Variants in GEMIN5 observed in about 807,000 individuals in gnomAD.
The protein encoded by GEMIN5 is gem-associated protein 5.
A neutral mutation model predicts 176.9 loss-of-function variants in GEMIN5; 124 were observed. The ratio of observed to expected loss-of-function variants is 0.70; its 90% CI spans 0.61 to 0.81. The LOEUF is 0.81. GEMIN5 is among the 40% of genes least tolerant of loss of function. The pLI, the probability that GEMIN5 is intolerant of heterozygous loss-of-function variation, is 0.00. For synonymous variants in GEMIN5, 673 were observed against 665.2 expected (o/e 1.01, Z -0.18); for missense variants, 1,843 against 1,814.6 (o/e 1.02, Z -0.28).
chr5:154,890,139 C>T (rs1194853635), intron 26 of GEMIN5, among the ~76,000 whole-genome samples: 1 of 152,202 alleles, frequency 6.6e-6, no homozygotes, highest in Admixed American at 6.5e-5. Context: ...TGTTCTGTTT[C>T]TCTGATAGTA....
At position 154,891,441 on chromosome 5, in the gene GEMIN5, A is replaced by C; in HGVS notation, c.4062T>G (p.Ser1354Arg). ...RLTEEGERML[S>R]TFKELFSEKH... ...TTTCTGAAAAGAGCTCCTTAAAAGT[A>C]CTCAGCATTCGCTCACCTTCTTCTG... Residue 1354 changes from serine (S) to arginine (R), a missense_variant, in exon 26 of 28, where the codon AGT becomes AGG. Transcript: ENST00000285873. 6.2e-7 allele frequency: 1 copy of C among 1,614,002 alleles called. No individual in the cohort carries two copies. The highest frequency in any genetic ancestry group is 8.5e-7 in the Non-Finnish European group (1 of 1,179,980).
chr5:154,938,145 G>C lies in GEMIN5; in HGVS notation c.-12C>G, dbSNP rs769300237. On this transcript the variant is annotated 5_prime_UTR_variant, in exon 1 of 28. Coordinates refer to ENST00000285873, the MANE Select transcript of GEMIN5 (RefSeq NM_015465.5). ...GGCTCCTGCCCCATAACTACAAGCC[G>C]TCAGAGACAAGAGAAGCTGCCACAG... 2 of 1,366,170 alleles carry C rather than the reference G, an allele frequency of 1.5e-6. No homozygotes were observed. Among genetic ancestry groups the C allele is most frequent in the South Asian group, 3.8e-5 (2 of 52,914 alleles). 84.6% of individuals were successfully genotyped at this position (1,366,170 alleles called of 1,614,324 possible).
Position 154,901,162 on chromosome 5 carries a change from C to T in GEMIN5, c.3014+177G>A, listed in dbSNP as rs144546733. Among the ~76,000 whole-genome samples, 975 of 152,278 alleles carry T rather than the reference C, an allele frequency of 6.4e-3. 10 individuals carry two copies. Among genetic ancestry groups the T allele is most frequent in the African/African-American group, 0.02 (851 of 41,556 alleles). On this transcript the variant is annotated intron_variant, in intron 21 of 27. Coordinates refer to ENST00000285873, the MANE Select transcript of GEMIN5 (RefSeq NM_015465.5). ...ACAACACAGCAAGACTCCGTCTCTACAAAAAACTAAAAAATTAGTTGGATG... is the reference window on the plus strand; with the variant it reads ...ACAACACAGCAAGACTCCGTCTCTATAAAAAACTAAAAAATTAGTTGGATG...
intron 23 of GEMIN5, among the ~76,000 whole-genome samples, chr5:154,898,234 G>A (rs748889463): frequency 1.3e-5 from 2 of 152,162 alleles, no homozygotes; most frequent in Non-Finnish European, 2.9e-5. Context: ...TAAGCAATGG[G>A]AATTACTGTG....
rs1763132876 is a variant in GEMIN5 at position 154,887,453 on chromosome 5, A to G, written c.*757T>C. ...TCTTTGGCTTTAATCTGATTCTCAA[A>G]AGGATCCTATGATCCAAGAAAGTTT... On this transcript the variant is annotated 3_prime_UTR_variant, in exon 28 of 28. Coordinates refer to ENST00000285873, the MANE Select transcript of GEMIN5 (RefSeq NM_015465.5). 1 of 152,236 alleles carries G rather than the reference A, an allele frequency of 6.6e-6. No individual in the cohort carries two copies. The highest frequency in any genetic ancestry group is 1.5e-5 in the Non-Finnish European group (1 of 68,044). 9.4% of individuals were successfully genotyped at this position (152,236 alleles called of 1,614,324 possible).
intron 9 of GEMIN5, among the ~76,000 whole-genome samples, chr5:154,922,843 C>A (rs1763953098): frequency 6.6e-6 from 1 of 151,518 alleles, no homozygotes; most frequent in Non-Finnish European, 1.5e-5. Flanking sequence ...AATACAGGCG[C>A]CCACTACCAC....
rs1393184256 is a variant in GEMIN5 at position 154,938,115 on chromosome 5, T to TCCGCGGCAG, written c.18_19insCTGCCGCGG (p.Arg6_Thr7insLeuProArg). On this transcript the variant is annotated inframe_insertion, in exon 1 of 28. Transcript: ENST00000285873. ...TACCAGTTGGGGGAGGGCGGCAGCG[T>TCCGCGGCAG]CCGCGGCTCCTGCCCCATAACTACA... 2.8e-6 allele frequency: 4 copies of TCCGCGGCAG among 1,404,124 alleles called. No homozygotes were observed. Among genetic ancestry groups the TCCGCGGCAG allele is most frequent in the Non-Finnish European group, 3.7e-6 (4 of 1,075,422 alleles). 87.0% of individuals were successfully genotyped at this position (1,404,124 alleles called of 1,614,324 possible).
chr5:154,917,063 C>T lies in GEMIN5; in HGVS notation c.1790G>A (p.Ser597Asn). The T allele has an allele frequency of 6.2e-7, 1 of 1,609,556 alleles. No homozygotes were observed. The highest frequency in any genetic ancestry group is 8.5e-7 in the Non-Finnish European group (1 of 1,176,552). ...GTTGGAGCCAGAGGCCATCAGATAG[C>T]TCAATTCTGGCTGGCTGCCATGCTC... is the stretch of plus-strand genomic sequence containing the variant. Reference protein sequence around the residue: ...HHEHGSQPELSYLMASGSNNA... With the variant: ...HHEHGSQPELNYLMASGSNNA... The change falls in exon 13 of 28, where the codon AGC (serine) becomes AAC (asparagine). Residue 597 changes from serine to asparagine, a missense_variant. By Grantham distance (46) the Ser-to-Asn change is conservative (BLOSUM62 1). Coordinates refer to ENST00000285873, the MANE Select transcript of GEMIN5 (RefSeq NM_015465.5).
chr5:154,925,838 C>G (rs1764017116), intron 8 of GEMIN5, 24 bp downstream of exon 8: 1 of 1,405,904 alleles, frequency 7.1e-7, no homozygotes, highest in Non-Finnish European at 1.0e-6. Context: ...AAGTTCAAAA[C>G]AAGCTCAAAA....
chr5:154,895,996 T>A, intron 24 of GEMIN5, 96 bp downstream of exon 24: 1 of 1,412,204 alleles, frequency 7.1e-7, no homozygotes, highest in South Asian at 1.2e-5. Context: ...TGAAACACAG[T>A]CCAGTATTCT....
Position 154,938,014 on chromosome 5 carries a change from G to A in GEMIN5, c.120C>T (p.Arg40=), listed in dbSNP as rs1336825399. Reference sequence around the variant, plus strand: ...GACTCTCGCCTGCGCCCGGGCCCACGCGGACAAGGAAGACGGAGGTCCGCG... The same window carrying A: ...GACTCTCGCCTGCGCCCGGGCCCACACGGACAAGGAAGACGGAGGTCCGCG... ...FAARTSVFLV[R]VGPGAGESPG... The change falls in exon 1 of 28, where the codon CGC becomes CGT. Residue 40 remains arginine (R), a synonymous_variant. Transcript: ENST00000285873. The A allele has an allele frequency of 6.4e-7, 1 of 1,569,088 alleles. No homozygotes were observed. The highest frequency in any genetic ancestry group is 8.6e-7 in the Non-Finnish European group (1 of 1,160,564).
intron 5 of GEMIN5, 135 bp downstream of exon 5, chr5:154,931,323 G>A (rs1764156615): frequency 7.6e-6 from 6 of 789,748 alleles, no homozygotes; most frequent in Non-Finnish European, 1.2e-5. Context: ...CTCAAATGAG[G>A]AAGCAGAATT....
intron 1 of GEMIN5, 44 bp downstream of exon 1, chr5:154,937,924 C>T (rs1037331394): frequency 1.0e-5 from 15 of 1,482,026 alleles, no homozygotes; most frequent in African/African-American, 4.4e-5. Flanking sequence ...CCCTGGGGAG[C>T]GTACAAAGGG....
At position 154,911,714 on chromosome 5, in the gene GEMIN5, G is replaced by C; in HGVS notation, c.2167+13C>G. 6.2e-7 allele frequency: 1 copy of C among 1,607,076 alleles called. No individual in the cohort carries two copies. The highest frequency in any genetic ancestry group is 8.5e-7 in the Non-Finnish European group (1 of 1,174,366). Reference sequence around the variant, plus strand: ...GAGAAAAAGAATTAGATAAGCTCTAGGTTCTGACTGACCTTGAGGAGGCCG... The same window carrying C: ...GAGAAAAAGAATTAGATAAGCTCTACGTTCTGACTGACCTTGAGGAGGCCG... On this transcript the variant is annotated intron_variant, in intron 15 of 27. Coordinates refer to ENST00000285873, the MANE Select transcript of GEMIN5 (RefSeq NM_015465.5).
At chr5:154,937,301 A>G (rs2113521145) in intron 1 of GEMIN5, 116 bp from the exon 2 acceptor site, 2 of 844,472 alleles carry the variant, frequency 2.4e-6, no homozygotes, top group South Asian at 1.9e-5. Context: ...AACCCATGGT[A>G]TAACTGAAAC....
chr5:154,930,699 A>G (rs1312538367), intron 5 of GEMIN5, among the ~76,000 whole-genome samples: 1 of 152,176 alleles, frequency 6.6e-6, no homozygotes, highest in Admixed American at 6.6e-5. Flanking sequence ...GGAGGGGGAA[A>G]TGGAGAGTAG....
rs1443018543 is a variant in GEMIN5 at position 154,905,699 on chromosome 5, G to GT, written c.2396-224_2396-223insA. Among the ~76,000 whole-genome samples the GT allele has an allele frequency of 1.9e-4, 28 of 148,094 alleles. No homozygotes were observed. The South Asian group carries it at 4.1e-3, about 22-fold the overall frequency. On this transcript the variant is annotated intron_variant, in intron 16 of 27. Transcript: ENST00000285873. Reference sequence around the variant, plus strand: ...CAGGAATCTGTAAGTCTATTACTTTGGTTTTTTTTTTTTTTTTGAGACGAA... The same window carrying GT: ...CAGGAATCTGTAAGTCTATTACTTTGTGTTTTTTTTTTTTTTTTGAGACGAA...
rs779150859 is a variant in GEMIN5, at chr5:154,912,884, A to T, written c.1995+15T>A. 6.2e-7 allele frequency: 1 copy of T among 1,607,384 alleles called. No homozygotes were observed. The highest frequency in any genetic ancestry group is 1.3e-5 in the African/African-American group (1 of 74,734). On this transcript the variant is annotated intron_variant, in intron 14 of 27. Coordinates refer to ENST00000285873, the MANE Select transcript of GEMIN5 (RefSeq NM_015465.5). The stretch of plus-strand genomic sequence containing the variant: ...ACACAGTGAAGGACCCACAGGGACA[A>T]GGACACAATAGTACCTGGGCTGTAC...
At chr5:154,931,824 G>C in intron 4 of GEMIN5, 1 of 490,518 alleles carries the variant, frequency 2.0e-6, no homozygotes, top group Non-Finnish European at 3.6e-6. Context: ...AGACCAGCCT[G>C]ACCAACATGG....
Sources: gnomAD v4.1 joint callset for allele counts (sites outside exome capture counted in the v4.1 genomes callset) on GRCh38, gnomAD v4.1.1 for gene constraint, MANE v1.5 for transcripts, NCBI Gene and HGNC (gene_info 2026-07-23, HGNC 2026-07-21) for gene names.